Variants in EXD3 observed in about 807,000 individuals in gnomAD.
EXD3 encodes the protein exonuclease mut-7 homolog.
Under a neutral mutation model 98.0 loss-of-function variants are expected in EXD3, and 92 were observed. The ratio of observed to expected loss-of-function variants is 0.94; its 90% confidence interval spans 0.79 to 1.12. EXD3 has a LOEUF of 1.12. Ranked by LOEUF, EXD3 falls within the 50% of genes most tolerant of loss-of-function variation. The pLI, the probability that EXD3 is intolerant of heterozygous loss-of-function variation, is 0.00. For synonymous variants in EXD3, 569 were observed against 526.0 expected (o/e 1.08, Z -1.12); for missense variants, 1,222 against 1,191.6 (o/e 1.03, Z -0.38).
At position 137,359,799 on chromosome 9, in the gene EXD3, A is replaced by C. The variant is rs183526972; in HGVS notation, c.657-3431T>G. 2.0e-4 allele frequency among the ~76,000 whole-genome samples: 17 copies of C among 86,300 alleles called. 8 individuals carry two copies. In the East Asian group the frequency reaches 0.013, roughly 67 times the overall value. 56.6% of individuals were successfully genotyped at this position (86,300 alleles called of 152,430 possible). A position where few individuals can be genotyped will look rare whatever the true frequency, so the allele number is the denominator to read the frequency against. On this transcript the variant is annotated intron_variant, in intron 7 of 21. Transcript: ENST00000340951. The stretch of plus-strand genomic sequence containing the variant: ...TGAGTTTGTGAACCGTGATCACTGC[A>C]TCCACTGCTGCTCTGGGGACTAGGG...
chr9:137,332,582 G>A lies in EXD3; in HGVS notation c.1999-8439C>T, dbSNP rs1003814867. On this transcript the variant is annotated intron_variant, in intron 17 of 21. Coordinates refer to ENST00000340951, the MANE Select transcript of EXD3 (RefSeq NM_017820.5). Reference sequence around the variant, plus strand: ...GTATTGGCCAGGCGCAGTGGCTCACGCCTGTAATCCCAGCACTTTGGGAGG... The same window carrying A: ...GTATTGGCCAGGCGCAGTGGCTCACACCTGTAATCCCAGCACTTTGGGAGG... Among the ~76,000 whole-genome samples the A allele has an allele frequency of 6.6e-5, 10 of 151,246 alleles. No homozygotes were observed. The East Asian group carries it at 1.4e-3, about 21-fold the overall frequency.
Position 137,373,433 on chromosome 9 carries a change from A to G in EXD3, c.287T>C (p.Leu96Pro). Residue 96 changes from leucine to proline, a missense_variant, in exon 4 of 22, where the codon CTG becomes CCG. Physicochemically the swap from Leu to Pro is moderately conservative, Grantham distance 98 (BLOSUM62 -3). Transcript: ENST00000340951. ...CAGAACCCATGGGCTCACCTGGGCC[A>G]GGCTCGGGCATGGCTGTGCCTGTAG... Reference protein sequence around the residue: ...CWLQAQPCPSLAQHSLRLKQL... With the variant: ...CWLQAQPCPSPAQHSLRLKQL... The G allele has an allele frequency of 6.2e-7, 1 of 1,607,242 alleles. No homozygotes were observed. Among genetic ancestry groups the G allele is most frequent in the Non-Finnish European group, 8.5e-7 (1 of 1,179,306 alleles).
intron 1 of EXD3, among the ~76,000 whole-genome samples, chr9:137,414,259 G>T (rs1358737024): frequency 2.0e-5 from 3 of 152,210 alleles, no homozygotes; most frequent in African/African-American, 7.2e-5. Flanking sequence ...ACTTGGCATG[G>T]TGTCTTCAAA....
At chr9:137,316,814 C>G (rs1831692632) in intron 19 of EXD3, among the ~76,000 whole-genome samples, 1 of 152,182 alleles carries the variant, frequency 6.6e-6, no homozygotes, top group African/African-American at 2.4e-5. Flanking sequence ...GCCTGGGAGC[C>G]CCGCCCCGCA....
At chr9:137,357,340 C>T (rs564788102) in intron 7 of EXD3, 1 of 152,276 alleles carries the variant, frequency 6.6e-6, no homozygotes, top group Admixed American at 6.5e-5. Flanking sequence ...AGTTTCCTTC[C>T]CTGCTCTCCC....
intron 5 of EXD3, among the ~76,000 whole-genome samples, chr9:137,370,210 C>T (rs949088650): frequency 6.6e-6 from 1 of 152,204 alleles, no homozygotes; most frequent in Non-Finnish European, 1.5e-5. Context: ...CCTGCTGGCC[C>T]TTTCACTGTG....
chr9:137,389,220 C>T (rs947052484), intron 2 of EXD3, among the ~76,000 whole-genome samples: 6 of 152,134 alleles, frequency 3.9e-5, no homozygotes, highest in African/African-American at 7.2e-5. Context: ...GAGGCGGCAA[C>T]GAGACCCCAA....
intron 3 of EXD3, among the ~76,000 whole-genome samples, chr9:137,382,061 A>AGGAGGTGAGGGCGCGCGGT (rs1564194613): frequency 3.8e-5 from 4 of 105,512 alleles, no homozygotes; most frequent in Non-Finnish European, 3.7e-5. Flanking sequence ...GGGCGCGCGG[A>AGGAGGTGAGGGCGCGCGGT]GGAGGTGAGG....
intron 1 of EXD3, among the ~76,000 whole-genome samples, chr9:137,404,036 G>A (rs1250116807): frequency 2.6e-5 from 4 of 151,964 alleles, no homozygotes; most frequent in South Asian, 2.1e-4. Context: ...ACTGGGTGGG[G>A]AGGGTGGGCC....
chr9:137,368,098 G>A (rs1411058187), intron 5 of EXD3, 109 bp from the exon 6 acceptor site: 2 of 890,464 alleles, frequency 2.2e-6, no homozygotes, highest in African/African-American at 1.6e-5. Flanking sequence ...ACTGAGGCCG[G>A]AGTGCAGGGC....
rs912289566 is a variant in EXD3, at chr9:137,393,708, C to T, written c.55+1595G>A. On this transcript the variant is annotated intron_variant, in intron 2 of 21. Coordinates refer to ENST00000340951, the MANE Select transcript of EXD3 (RefSeq NM_017820.5). The surrounding 1 kb of genome is among the most constrained non-coding windows in gnomAD (Gnocchi z 4.6). Reference sequence around the variant, plus strand: ...CTGAGGCAGAGAGCCTCAGCTGCTGCCATGTGGGAGCAGGGCTTTCACAGA... The same window carrying T: ...CTGAGGCAGAGAGCCTCAGCTGCTGTCATGTGGGAGCAGGGCTTTCACAGA... Among the ~76,000 whole-genome samples, 6 of 152,312 alleles carry T rather than the reference C, an allele frequency of 3.9e-5. No homozygotes were observed. The highest frequency in any genetic ancestry group is 1.4e-4 in the African/African-American group (6 of 41,566).
At position 137,349,893 on chromosome 9, in the gene EXD3, CA is replaced by C. The variant is rs1249876005; in HGVS notation, c.1495-363del. 6.6e-6 allele frequency among the ~76,000 whole-genome samples: 1 copy of C among 152,074 alleles called. No homozygotes were observed. The highest frequency in any genetic ancestry group is 1.9e-4 in the East Asian group (1 of 5,170). On this transcript the variant is annotated intron_variant, in intron 14 of 21. Transcript: ENST00000340951. This position sits in a 1 kb window ranked among gnomAD's most constrained non-coding sequence, Gnocchi z 7.4. The stretch of plus-strand genomic sequence containing the variant: ...ACTGGGTGTGCCGTGCATAAAACAG[CA>C]GAAACGCAGACAAAATGCAGCGAAA...
chr9:137,413,992 C>T (rs1217554037), intron 1 of EXD3, among the ~76,000 whole-genome samples: 1 of 150,850 alleles, frequency 6.6e-6, no homozygotes, highest in Non-Finnish European at 1.5e-5. Flanking sequence ...TCTCGGCTCA[C>T]TGCAAGCTCT....
intron 3 of EXD3, among the ~76,000 whole-genome samples, chr9:137,379,930 C>T (rs574333448): frequency 2.6e-5 from 4 of 152,152 alleles, no homozygotes; most frequent in Admixed American, 6.5e-5. Context: ...TGTGTGCCCA[C>T]GTCGGCCAGC....
chr9:137,345,070 C>T (rs1308631978), intron 17 of EXD3, among the ~76,000 whole-genome samples: 4 of 152,278 alleles, frequency 2.6e-5, no homozygotes, highest in Admixed American at 6.5e-5. Context: ...CAGCAGAACA[C>T]CCAGGTTCAC....
intron 17 of EXD3, among the ~76,000 whole-genome samples, chr9:137,344,432 C>T (rs983955489): frequency 1.3e-5 from 2 of 152,124 alleles, no homozygotes; most frequent in African/African-American, 4.8e-5. Flanking sequence ...GCTGACGAGA[C>T]ATGTCTGGGA....
Position 137,346,964 on chromosome 9 carries a change from C to T in EXD3, c.1998+1107G>A, listed in dbSNP as rs370956017. Among the ~76,000 whole-genome samples the T allele has an allele frequency of 2.4e-4, 36 of 152,186 alleles. No homozygotes were observed. In the East Asian group the frequency reaches 3.3e-3, roughly 14 times the overall value. On this transcript the variant is annotated intron_variant, in intron 17 of 21. Coordinates refer to ENST00000340951, the MANE Select transcript of EXD3 (RefSeq NM_017820.5). ...CCGAGTAGCTGGGATTACAGGCGCC[C>T]GCCACCACGCCCAGCTAATTTTTGT...
intron 17 of EXD3, among the ~76,000 whole-genome samples, chr9:137,342,289 G>A (rs1413511784): frequency 2.6e-5 from 3 of 115,816 alleles, no homozygotes; most frequent in South Asian, 3.3e-4. Context: ...ACCAGGAGCC[G>A]TCTCCCAGGG....
chr9:137,337,109 A>G (rs545881622), intron 17 of EXD3, among the ~76,000 whole-genome samples: 1 of 152,314 alleles, frequency 6.6e-6, no homozygotes, highest in East Asian at 1.9e-4. Flanking sequence ...TATTAATGTT[A>G]GTTAAAATAT....
Sources: allele counts gnomAD v4.1 joint callset (sites outside exome capture counted in the v4.1 genomes callset), GRCh38; gene constraint gnomAD v4.1.1; non-coding constraint Gnocchi (gnomAD v3.1); transcripts MANE v1.5; gene names NCBI Gene and HGNC (gene_info 2026-07-23, HGNC 2026-07-21).